Variants in DDX11 observed in about 807,000 individuals in gnomAD.
DDX11 encodes the protein DEAD/H-box helicase 11, also known as ATP-dependent DNA helicase DDX11.
Under a neutral mutation model 125.2 loss-of-function variants are expected in DDX11, and 72 were observed. The observed-to-expected ratio is 0.58, with a 90% confidence interval of 0.48 to 0.70. The LOEUF is 0.70. Among genes scored for constraint, DDX11 ranks in the 30% least tolerant of loss-of-function variants. The pLI is 0.00. For missense variants in DDX11, 883 were observed against 1,165.0 expected, an observed-to-expected ratio of 0.76 and a Z score of 3.52; for synonymous variants, 347 against 452.6, an observed-to-expected ratio of 0.77 and a Z score of 2.96.
intron 19 of DDX11, 43 bp from the exon 20 acceptor site, chr12:31,100,984 C>T (rs760327272): frequency 6.5e-7 from 1 of 1,531,196 alleles, no homozygotes; most frequent in East Asian, 2.3e-5. Flanking sequence ...TCTTGCAGCA[C>T]ACCTGCATCT....
chr12:31,089,701 C>T, intron 8 of DDX11, 185 bp from the exon 9 acceptor site: 1 of 1,255,438 alleles, frequency 8.0e-7, no homozygotes, highest in African/African-American at 1.5e-5. Flanking sequence ...ATTTTACGGG[C>T]TCTTTCTGGA....
At chr12:31,097,175 A>G (rs1358267798) in intron 17 of DDX11, among the ~76,000 whole-genome samples, 185 bp downstream of exon 17, 18 of 143,588 alleles carry the variant, frequency 1.3e-4, no homozygotes, top group South Asian at 6.8e-4. Context: ...AGGAGATCGA[A>G]GGGCTGGGAT....
At chr12:31,081,141 C>T (rs1941846581) in intron 2 of DDX11, among the ~76,000 whole-genome samples, 1 of 152,240 alleles carries the variant, frequency 6.6e-6, no homozygotes, top group Non-Finnish European at 1.5e-5. Context: ...TCTTCCTCTG[C>T]TCAGCCTTTA....
chr12:31,078,681 A>G, intron 2 of DDX11, 144 bp downstream of exon 2: 1 of 1,198,178 alleles, frequency 8.3e-7, no homozygotes, highest in Non-Finnish European at 1.2e-6. Context: ...CACTTCCTCT[A>G]TTAAAGTCTT....
At chr12:31,087,071 T>G (rs957560125) in intron 5 of DDX11, among the ~76,000 whole-genome samples, 4 of 149,794 alleles carry the variant, frequency 2.7e-5, no homozygotes, top group African/African-American at 1.0e-4. Flanking sequence ...TTGTGTTTTC[T>G]GAGGAGCATA....
chr12:31,086,807 C>T (rs1943244761), intron 5 of DDX11, among the ~76,000 whole-genome samples: 1 of 136,322 alleles, frequency 7.3e-6, no homozygotes, highest in African/African-American at 2.9e-5. Flanking sequence ...TTTTGCTCTT[C>T]ATTTCTTCAC....
At chr12:31,096,454 C>T (rs535386134) in intron 15 of DDX11, 75 bp downstream of exon 15, 95 of 1,613,292 alleles carry the variant, frequency 5.9e-5, no homozygotes, top group Non-Finnish European at 7.9e-5. Context: ...ATGCTTTCCT[C>T]CCCTGCCCTC....
At chr12:31,086,083 C>T in intron 5 of DDX11, 1 of 454,454 alleles carries the variant, frequency 2.2e-6, no homozygotes, top group South Asian at 1.6e-5. Context: ...CCCCGCTGCC[C>T]TGAACTTCCT....
chr12:31,099,146 G>A (rs1243335094), intron 18 of DDX11, among the ~76,000 whole-genome samples: 1 of 138,664 alleles, frequency 7.2e-6, no homozygotes, highest in Non-Finnish European at 1.5e-5. Flanking sequence ...GGAGCGCAGT[G>A]ACCTGATCAC....
chr12:31,078,647 G>T, intron 2 of DDX11, 110 bp downstream of exon 2: 4 of 1,478,078 alleles, frequency 2.7e-6, no homozygotes, highest in East Asian at 2.3e-5. Context: ...GGGCAGAGTA[G>T]TCTCTGTTTA....
intron 17 of DDX11, 53 bp downstream of exon 17, chr12:31,097,043 G>C: frequency 6.2e-6 from 10 of 1,608,714 alleles, no homozygotes; most frequent in Non-Finnish European, 8.5e-6. Flanking sequence ...GCCAAGCTGA[G>C]CCCGGGAGCC....
Position 31,103,689 on chromosome 12 carries a change from G to A in DDX11, c.2649G>A (p.Glu883=). ...CGGCCTGGATCCGAGCCCGTGTGGAGGTCAAAGCTACCTTTGGCCCCGCCA... is the reference window on the plus strand; with the variant it reads ...CGGCCTGGATCCGAGCCCGTGTGGAAGTCAAAGCTACCTTTGGCCCCGCCA... ...KLPAWIRARV[E]VKATFGPAIA... is the part of the protein sequence containing the mutation. Residue 883 remains glutamate, a synonymous_variant, in exon 26 of 27, where the codon GAG becomes GAA. Transcript: ENST00000542838. 1.9e-6 allele frequency: 3 copies of A among 1,613,966 alleles called. No individual in the cohort carries two copies. Among genetic ancestry groups the A allele is most frequent in the Admixed American group, 1.7e-5 (1 of 60,018 alleles).
chr12:31,084,158 C>T lies in DDX11; in HGVS notation c.393+97C>T, dbSNP rs1942581921. ...CCGAGACTCAGGCAGTGCATGCTCCCCTGCCGTTGCCGTGCCTCTCAGCTC... is the reference window on the plus strand; with the variant it reads ...CCGAGACTCAGGCAGTGCATGCTCCTCTGCCGTTGCCGTGCCTCTCAGCTC... On this transcript the variant is annotated intron_variant, in intron 3 of 26. Transcript: ENST00000542838. 10 of 1,514,054 alleles carry T rather than the reference C, an allele frequency of 6.6e-6. No individual in the cohort carries two copies. The South Asian group carries it at 1.1e-4, about 17-fold the overall frequency. The allele number at this position is 1,514,054 out of a possible 1,614,324, so 93.8% of individuals were successfully genotyped here.
rs534967630 is a variant in DDX11, at chr12:31,093,408, A to G, written c.1369+84A>G. 63 of 1,573,398 alleles carry G rather than the reference A, an allele frequency of 4.0e-5. No homozygotes were observed. In the East Asian group the frequency reaches 1.4e-3, roughly 34 times the overall value. On this transcript the variant is annotated intron_variant, in intron 12 of 26. Coordinates refer to ENST00000542838, the MANE Select transcript of DDX11 (RefSeq NM_030653.4). ...CCTTGGATGCCCATCAGGACACCTC[A>G]GTTCTCTGTGTTTTTAAGAAGGGTC...
At chr12:31,097,152 G>A (rs1334684159) in intron 17 of DDX11, among the ~76,000 whole-genome samples, 162 bp downstream of exon 17, 1 of 151,702 alleles carries the variant, frequency 6.6e-6, no homozygotes, top group Non-Finnish European at 1.5e-5. Flanking sequence ...GGCAAGCAGT[G>A]GAGGTGGATG....
Position 31,103,536 on chromosome 12 carries a change from G to A in DDX11, c.2537-41G>A, listed in dbSNP as rs1198744484. The A allele has an allele frequency of 3.1e-6, 5 of 1,613,712 alleles. No individual in the cohort carries two copies. In the South Asian group the frequency reaches 5.5e-5, roughly 18 times the overall value. On this transcript the variant is annotated intron_variant, in intron 25 of 26. Coordinates refer to ENST00000542838, the MANE Select transcript of DDX11 (RefSeq NM_030653.4). Reference sequence around the variant, plus strand: ...CCGTGGGAATGTGCTGTAGGGGGGAGGCAGGTGTTGCTCGGAGCCCCAGCC... The same window carrying A: ...CCGTGGGAATGTGCTGTAGGGGGGAAGCAGGTGTTGCTCGGAGCCCCAGCC...
At chr12:31,090,610 G>C (rs1944039755) in intron 9 of DDX11, among the ~76,000 whole-genome samples, 1 of 152,196 alleles carries the variant, frequency 6.6e-6, no homozygotes, top group Non-Finnish European at 1.5e-5. Context: ...TTTTTAAACA[G>C]AAGGAAGAAC....
chr12:31,099,863 C>T (rs576064173), intron 18 of DDX11, among the ~76,000 whole-genome samples: 323 of 152,168 alleles, frequency 2.1e-3, no homozygotes, highest in Non-Finnish European at 3.5e-3. Flanking sequence ...ATAGGGAATC[C>T]GTTTTACTAG....
rs1565930345 is a variant in DDX11, at chr12:31,101,818, C to CCCTT, written c.2053-14_2053-13insCTTC. The CCCTT allele has an allele frequency of 1.9e-6, 3 of 1,613,246 alleles. No individual in the cohort carries two copies. In the African/African-American group the frequency reaches 4.0e-5, roughly 22 times the overall value. ...CTCCATGGGGGCTCCCTCCCTCCCT[C>CCCTT]CTTTCCTTCCTTAGATGGACGAGGT... On this transcript the variant is annotated splice_polypyrimidine_tract_variant and intron_variant, in intron 20 of 26. Coordinates refer to ENST00000542838, the MANE Select transcript of DDX11 (RefSeq NM_030653.4).
Sources: allele counts gnomAD v4.1 joint callset (sites outside exome capture counted in the v4.1 genomes callset), GRCh38; gene constraint gnomAD v4.1.1; transcripts MANE v1.5; gene names NCBI Gene and HGNC (gene_info 2026-07-23, HGNC 2026-07-21).